The following PCDHA9 variants were observed in gnomAD, a reference collection of about 807,000 sequenced individuals.
PCDHA9 encodes protocadherin alpha-9.
Under a neutral mutation model 62.0 loss-of-function variants are expected in PCDHA9, and 62 were observed. The ratio of observed to expected loss-of-function variants is 1.00; its 90% CI spans 0.81 to 1.23. The LOEUF (loss-of-function observed/expected upper bound fraction) is 1.23. PCDHA9 is among the 50% of genes most tolerant of loss of function. The pLI, the probability that PCDHA9 is intolerant of heterozygous loss-of-function variation, is 0.00. For synonymous variants in PCDHA9, 557 were observed against 567.6 expected, an observed-to-expected ratio of 0.98 and a Z score of 0.27; for missense variants, 1,205 against 1,249.8, an observed-to-expected ratio of 0.96 and a Z score of 0.54.
At chr5:140,981,191 G>A (rs2096922052) in intron 2 of PCDHA9, among the ~76,000 whole-genome samples, 2 of 152,178 alleles carry the variant, frequency 1.3e-5, no homozygotes, top group South Asian at 4.1e-4. Context: ...AAGTTTGCCT[G>A]CTCTGTTGCC....
chr5:140,890,190 A>C (rs1213958471), intron 1 of PCDHA9, among the ~76,000 whole-genome samples: 3 of 152,084 alleles, frequency 2.0e-5, no homozygotes, highest in Middle Eastern at 3.2e-3. Flanking sequence ...TACAAAACAG[A>C]GTTTTTTGTT....
chr5:140,849,694 C>A lies in PCDHA9; in HGVS notation c.1199C>A (p.Thr400Asn), dbSNP rs2041050724. 1 of 1,598,594 alleles carries A rather than the reference C, an allele frequency of 6.3e-7. No individual in the cohort carries two copies. Among genetic ancestry groups the A allele is most frequent in the African/African-American group, 1.3e-5 (1 of 74,378 alleles). ...CACGTCCCCTTCAAGCTGGTGTCCA[C>A]CTACAAGAATTACTACTCGTTGGTG... Reference protein sequence around the residue: ...TPHVPFKLVSTYKNYYSLVLD... With the variant: ...TPHVPFKLVSNYKNYYSLVLD... Residue 400 changes from threonine (T) to asparagine (N), a missense_variant, in exon 1 of 4, where the codon ACC becomes AAC. Coordinates refer to ENST00000532602, the MANE Select transcript of PCDHA9 (RefSeq NM_031857.2).
intron 1 of PCDHA9, chr5:140,968,038 C>T (rs1554230238): frequency 8.7e-6 from 14 of 1,614,148 alleles, no homozygotes; most frequent in East Asian, 2.2e-5. Flanking sequence ...TGGTGGTGAG[C>T]GGCCCACTGG....
At chr5:140,939,897 T>G (rs1563176465) in intron 1 of PCDHA9, among the ~76,000 whole-genome samples, 1 of 152,230 alleles carries the variant, frequency 6.6e-6, no homozygotes. Flanking sequence ...TCAAATATTC[T>G]GCATTCTTTT....
rs782366361 is a variant in PCDHA9, at chr5:140,884,693, T to C, written c.2394+33804T>C. On this transcript the variant is annotated intron_variant, in intron 1 of 3. Coordinates refer to ENST00000532602, the MANE Select transcript of PCDHA9 (RefSeq NM_031857.2). ...CTTATATTTTAAAAAATTGTCTTAGTAAACACTTTAGCCTTCCTTGCAGTT... is the reference window on the plus strand; with the variant it reads ...CTTATATTTTAAAAAATTGTCTTAGCAAACACTTTAGCCTTCCTTGCAGTT... The C allele has an allele frequency of 2.1e-5, 32 of 1,524,768 alleles. No individual in the cohort carries two copies. The East Asian group carries it at 6.9e-4, about 33-fold the overall frequency. The allele number at this position is 1,524,768 out of a possible 1,614,324, so 94.5% of individuals were successfully genotyped here. A position where few individuals can be genotyped will look rare whatever the true frequency, so the allele number is the denominator to read the frequency against.
intron 1 of PCDHA9, chr5:140,869,303 C>T (rs1403563775): frequency 6.2e-7 from 1 of 1,613,586 alleles, no homozygotes; most frequent in Non-Finnish European, 8.5e-7. Flanking sequence ...TTCCGGGTGG[C>T]GTCCAAAACA....
chr5:140,986,372 G>A lies in PCDHA9; in HGVS notation c.2542+3809G>A, dbSNP rs570215048. ...TCTTCAGATGGAGGAATGCGTTTTG[G>A]GGGGAGGGACATTAAAGGGCCAGTC... On this transcript the variant is annotated intron_variant, in intron 3 of 3. Coordinates refer to ENST00000532602, the MANE Select transcript of PCDHA9 (RefSeq NM_031857.2). Among the ~76,000 whole-genome samples, 23 of 152,248 alleles carry A rather than the reference G, an allele frequency of 1.5e-4. No homozygotes were observed. In the East Asian group the frequency reaches 1.7e-3, roughly 12 times the overall value.
intron 1 of PCDHA9, chr5:140,861,426 T>A (rs1451953787): frequency 2.1e-6 from 1 of 485,412 alleles, no homozygotes; most frequent in Non-Finnish European, 4.2e-6. Context: ...CCTGTTTCAG[T>A]TGGATTCCAA....
Position 140,863,100 on chromosome 5 carries a change from C to A in PCDHA9, c.2394+12211C>A, listed in dbSNP as rs146061743. 4,507 of 579,870 alleles carry A rather than the reference C, an allele frequency of 7.8e-3. 34 individuals carry two copies. The highest frequency in any genetic ancestry group is 0.018 in the Middle Eastern group (62 of 3,436). The allele number at this position is 579,870 out of a possible 1,614,324, so 35.9% of individuals were successfully genotyped here. A position where few individuals can be genotyped will look rare whatever the true frequency, so the allele number is the denominator to read the frequency against. ...CGGGCGAGATCAGCACGACGAGTAC[C>A]CTGGACGAGGCGAAAGCTACGCGCC... On this transcript the variant is annotated intron_variant, in intron 1 of 3. Coordinates refer to ENST00000532602, the MANE Select transcript of PCDHA9 (RefSeq NM_031857.2).
Position 140,856,765 on chromosome 5 carries a change from T to C in PCDHA9, c.2394+5876T>C, listed in dbSNP as rs1554149084. On this transcript the variant is annotated intron_variant, in intron 1 of 3. Transcript: ENST00000532602. ...TGTTAGATGCCAATGATAACGCCCCTATCTTTGACAGACCGGTTTATGAAG... is the reference window on the plus strand; with the variant it reads ...TGTTAGATGCCAATGATAACGCCCCCATCTTTGACAGACCGGTTTATGAAG... The C allele has an allele frequency of 2.5e-6, 4 of 1,596,946 alleles. No homozygotes were observed. In the South Asian group the frequency reaches 4.4e-5, roughly 18 times the overall value.
chr5:140,927,322 A>T (rs782465180), intron 1 of PCDHA9: 1 of 1,613,780 alleles, frequency 6.2e-7, no homozygotes, highest in Non-Finnish European at 8.5e-7. Flanking sequence ...AGCCCGCTTT[A>T]CTCTCCCGAA....
intron 1 of PCDHA9, chr5:140,928,975 T>C (rs2085693610): frequency 1.9e-6 from 3 of 1,613,806 alleles, no homozygotes; most frequent in African/African-American, 1.3e-5. Context: ...TTCCTTTTTA[T>C]TTCTGGGGTG....
intron 1 of PCDHA9, among the ~76,000 whole-genome samples, chr5:140,885,868 A>G (rs1347875524): frequency 6.6e-6 from 1 of 152,202 alleles, no homozygotes; most frequent in Admixed American, 6.5e-5. Context: ...TCTATTGAAA[A>G]AAAATTTTTA....
chr5:140,884,499 C>T (rs782667822), intron 1 of PCDHA9: 1 of 1,614,062 alleles, frequency 6.2e-7, no homozygotes, highest in South Asian at 1.1e-5. Flanking sequence ...TGCTCCAGCG[C>T]GGCAGGGAGT....
intron 3 of PCDHA9, among the ~76,000 whole-genome samples, chr5:141,000,193 A>G (rs554462748): frequency 2.0e-5 from 3 of 151,958 alleles, no homozygotes; most frequent in Non-Finnish European, 4.4e-5. Flanking sequence ...ATGTGAGAAT[A>G]GTTTTTCACC....
intron 1 of PCDHA9, chr5:140,864,284 T>C (rs573508000): frequency 1.3e-5 from 2 of 152,220 alleles, no homozygotes; most frequent in Non-Finnish European, 2.9e-5. Flanking sequence ...CCTTATTGTT[T>C]TTATGTATTC....
intron 1 of PCDHA9, chr5:140,869,704 G>A (rs1271953937): frequency 2.5e-6 from 4 of 1,613,400 alleles, no homozygotes; most frequent in Admixed American, 3.3e-5. Flanking sequence ...GAAGTCTCTG[G>A]ATAGAGAGAA....
Position 140,968,579 on chromosome 5 carries a change from A to G in PCDHA9, c.2395-10370A>G, listed in dbSNP as rs1554230883. On this transcript the variant is annotated intron_variant, in intron 1 of 3. Coordinates refer to ENST00000532602, the MANE Select transcript of PCDHA9 (RefSeq NM_031857.2). ...AACTGCCCCTGCTGGCTACCTGGTCACCAAAGTCATAGCTATGGACTCAGA... is the reference window on the plus strand; with the variant it reads ...AACTGCCCCTGCTGGCTACCTGGTCGCCAAAGTCATAGCTATGGACTCAGA... 6 of 1,614,182 alleles carry G rather than the reference A, an allele frequency of 3.7e-6. No homozygotes were observed. The highest frequency in any genetic ancestry group is 5.1e-6 in the Non-Finnish European group (6 of 1,180,042).
intron 1 of PCDHA9, among the ~76,000 whole-genome samples, chr5:140,906,185 A>G (rs574875890): frequency 2.8e-4 from 43 of 152,270 alleles, no homozygotes; most frequent in African/African-American, 1.0e-3. Flanking sequence ...GCATCCTTCA[A>G]TCCAATCAAG....
Sources: gnomAD v4.1 joint callset for allele counts (sites outside exome capture counted in the v4.1 genomes callset) on GRCh38, gnomAD v4.1.1 for gene constraint, MANE v1.5 for transcripts, NCBI Gene and HGNC (gene_info 2026-07-23, HGNC 2026-07-21) for gene names.